The following ROBO2 variants were observed in gnomAD, a reference collection of about 807,000 sequenced individuals.
ROBO2 encodes roundabout guidance receptor 2, also known as roundabout homolog 2.
In ROBO2, 53 loss-of-function variants were observed where a neutral mutation model predicts 160.8. The ratio of observed to expected loss-of-function variants is 0.33; its 90% CI spans 0.26 to 0.41. The LOEUF is 0.41. Among genes scored for constraint, ROBO2 ranks in the 10% least tolerant of loss-of-function variants. ROBO2 has a pLI of 1.00. For missense variants in ROBO2, 1,577 were observed against 1,722.4 expected (o/e 0.92, Z 1.49); for synonymous variants, 664 against 611.7 (o/e 1.09, Z -1.26).
intron 2 of ROBO2, among the ~76,000 whole-genome samples, chr3:77,314,019 G>A (rs759069931): frequency 8.5e-5 from 13 of 152,204 alleles, no homozygotes; most frequent in African/African-American, 2.4e-4. Context: ...TATCCAGGGT[G>A]AAGGAATGTT....
At chr3:76,841,721 G>C (rs1250518255) in intron 2 of ROBO2, among the ~76,000 whole-genome samples, 2 of 152,134 alleles carry the variant, frequency 1.3e-5, no homozygotes, top group African/African-American at 4.8e-5. Context: ...AGAAAAAAGA[G>C]GAAGATTTAT....
At chr3:75,989,219 G>A (rs1237304695) in intron 2 of ROBO2, among the ~76,000 whole-genome samples, 2 of 152,088 alleles carry the variant, frequency 1.3e-5, no homozygotes, top group African/African-American at 2.4e-5. Context: ...CCAGGTTCAA[G>A]CAATTCTCCT....
At chr3:76,416,174 A>G (rs910831269) in intron 2 of ROBO2, among the ~76,000 whole-genome samples, 1 of 151,730 alleles carries the variant, frequency 6.6e-6, no homozygotes, top group Admixed American at 6.6e-5. Context: ...AAATAATAAT[A>G]AAATAAAATA....
intron 2 of ROBO2, among the ~76,000 whole-genome samples, chr3:76,920,723 A>G (rs1219276076): frequency 6.6e-6 from 1 of 152,274 alleles, no homozygotes; most frequent in Non-Finnish European, 1.5e-5. Flanking sequence ...CATATTGCAT[A>G]TGTTCAACAT....
At chr3:77,493,842 G>A (rs779944474) in intron 5 of ROBO2, among the ~76,000 whole-genome samples, 23 of 152,178 alleles carry the variant, frequency 1.5e-4, no homozygotes, top group Non-Finnish European at 2.1e-4. Flanking sequence ...GGAAAGGTCA[G>A]CATAACACTG....
At chr3:76,662,535 G>A (rs989898411) in intron 2 of ROBO2, among the ~76,000 whole-genome samples, 2 of 151,038 alleles carry the variant, frequency 1.3e-5, no homozygotes, top group African/African-American at 4.9e-5. Flanking sequence ...TTTTTTAAGA[G>A]AATAAAAATA....
chr3:75,925,223 T>A (rs1240813126), intron 1 of ROBO2, among the ~76,000 whole-genome samples: 2 of 151,752 alleles, frequency 1.3e-5, no homozygotes, highest in Non-Finnish European at 2.9e-5. Context: ...TGAAACCCCA[T>A]CTCTACAAAA....
intron 2 of ROBO2, among the ~76,000 whole-genome samples, chr3:76,382,535 C>T (rs559814672): frequency 1.3e-5 from 2 of 152,164 alleles, no homozygotes; most frequent in Admixed American, 6.5e-5. Context: ...TGCAGTGAGC[C>T]GAGATCGCGC....
chr3:77,046,196 T>C (rs1242998727), intron 1 of ROBO2, among the ~76,000 whole-genome samples: 2 of 152,242 alleles, frequency 1.3e-5, no homozygotes, highest in African/African-American at 4.8e-5. Flanking sequence ...GCTGTGCTAC[T>C]TTACATTGCC....
intron 2 of ROBO2, among the ~76,000 whole-genome samples, chr3:76,948,897 TATATATATATA>T (rs1311881865): frequency 3.3e-5 from 1 of 30,676 alleles, no homozygotes; most frequent in Admixed American, 4.7e-4. Context: ...TATATATATA[TATATATATATA>T]TTTTTTTTTT....
intron 2 of ROBO2, among the ~76,000 whole-genome samples, chr3:76,128,771 T>C (rs2071105402): frequency 6.6e-6 from 1 of 152,112 alleles, no homozygotes; most frequent in African/African-American, 2.4e-5. Context: ...GCTTTTTTCT[T>C]ATACTGTATT....
intron 22 of ROBO2, among the ~76,000 whole-genome samples, chr3:77,619,247 G>A (rs1012981059): frequency 6.6e-6 from 1 of 152,078 alleles, no homozygotes; most frequent in African/African-American, 2.4e-5. Flanking sequence ...ATAGTAATTA[G>A]CTCATATAGG....
intron 2 of ROBO2, among the ~76,000 whole-genome samples, chr3:76,860,553 T>G (rs1243318348): frequency 1.3e-5 from 2 of 152,288 alleles, no homozygotes; most frequent in South Asian, 2.1e-4. Context: ...TCAGGTTTTC[T>G]TTTTTGCACT....
At chr3:77,435,071 A>G (rs192114988) in intron 2 of ROBO2, among the ~76,000 whole-genome samples, 2 of 152,158 alleles carry the variant, frequency 1.3e-5, no homozygotes, top group Admixed American at 6.6e-5. Flanking sequence ...GATGAACCCT[A>G]TCACACAAAC....
intron 17 of ROBO2, among the ~76,000 whole-genome samples, chr3:77,590,781 G>A (rs1356482148): frequency 6.6e-6 from 1 of 152,064 alleles, no homozygotes; most frequent in African/African-American, 2.4e-5. Context: ...TTACACCAGA[G>A]AGACTTTTCT....
chr3:77,116,852 C>T (rs562763885), intron 2 of ROBO2, among the ~76,000 whole-genome samples: 16 of 152,210 alleles, frequency 1.1e-4, no homozygotes, highest in African/African-American at 2.4e-4. Context: ...AGAGCTATTG[C>T]GACAGATAGA....
At chr3:75,936,868 G>A (rs1260937179) in intron 1 of ROBO2, among the ~76,000 whole-genome samples, 1 of 151,720 alleles carries the variant, frequency 6.6e-6, no homozygotes, top group African/African-American at 2.4e-5. Flanking sequence ...AAGTTCCTGT[G>A]GGTTATATAT....
At chr3:76,180,022 G>T (rs560579895) in intron 2 of ROBO2, among the ~76,000 whole-genome samples, 1 of 152,048 alleles carries the variant, frequency 6.6e-6, no homozygotes, top group African/African-American at 2.4e-5. Context: ...CTGCTGCTCC[G>T]GCAGGGTGGA....
chr3:76,782,137 C>T (rs1053914804), intron 2 of ROBO2, among the ~76,000 whole-genome samples: 2 of 150,662 alleles, frequency 1.3e-5, no homozygotes, highest in African/African-American at 4.9e-5. Context: ...TTGATTTCTT[C>T]TTTAACCCAT....
Sources: gnomAD v4.1 joint callset for allele counts (sites outside exome capture counted in the v4.1 genomes callset) on GRCh38, gnomAD v4.1.1 for gene constraint, MANE v1.5 for transcripts, NCBI Gene and HGNC (gene_info 2026-07-23, HGNC 2026-07-21) for gene names.